Variants in PIK3C2G observed in about 807,000 individuals in gnomAD.
PIK3C2G encodes the protein phosphatidylinositol-4-phosphate 3-kinase catalytic subunit type 2 gamma.
Under a neutral mutation model 181.1 loss-of-function variants are expected in PIK3C2G, and 168 were observed. That is an observed-to-expected ratio of 0.93 (90% CI 0.82 to 1.05). PIK3C2G has a LOEUF of 1.05. PIK3C2G is among the 50% of genes least tolerant of loss of function. The pLI is 0.00. For synonymous variants in PIK3C2G, 573 were observed against 592.2 expected (o/e 0.97, Z 0.47); for missense variants, 1,869 against 1,732.8 (o/e 1.08, Z -1.40).
At chr12:18,661,124 G>T in the PIK3C2G span, among the ~76,000 whole-genome samples, 1 of 151,988 alleles carries the variant, frequency 6.6e-6, no homozygotes, top group Non-Finnish European at 1.5e-5. Flanking sequence ...TAGCAATAAA[G>T]ATTTAAGAAA....
intron 18 of PIK3C2G, among the ~76,000 whole-genome samples, chr12:18,481,528 A>G (rs1939561014): frequency 6.6e-6 from 1 of 152,230 alleles, no homozygotes; most frequent in Non-Finnish European, 1.5e-5. Flanking sequence ...CTTATCATTA[A>G]ATATGTGACT....
chr12:18,349,051 T>C (rs1374692907), intron 11 of PIK3C2G, among the ~76,000 whole-genome samples: 2 of 152,254 alleles, frequency 1.3e-5, no homozygotes, highest in African/African-American at 4.8e-5. Context: ...GGCCATAGAG[T>C]TGGCTTTTCC....
the PIK3C2G span, among the ~76,000 whole-genome samples, chr12:18,696,804 C>T: frequency 2.6e-5 from 4 of 152,114 alleles, no homozygotes; most frequent in Non-Finnish European, 4.4e-5. Context: ...AATCCCTTCA[C>T]TCCAGCATCT....
At chr12:18,532,371 T>A (rs928345581) in intron 24 of PIK3C2G, among the ~76,000 whole-genome samples, 2 of 152,154 alleles carry the variant, frequency 1.3e-5, no homozygotes. Flanking sequence ...AAGACAGACA[T>A]GTTGAAATTT....
intron 1 of PIK3C2G, among the ~76,000 whole-genome samples, chr12:18,277,528 T>G (rs1171657686): frequency 6.6e-6 from 1 of 152,126 alleles, no homozygotes; most frequent in African/African-American, 2.4e-5. Flanking sequence ...ACTGGTAAAT[T>G]GTATATTCCT....
chr12:18,351,545 T>G (rs1348617808), intron 11 of PIK3C2G, among the ~76,000 whole-genome samples: 1 of 152,222 alleles, frequency 6.6e-6, no homozygotes, highest in Non-Finnish European at 1.5e-5. Context: ...TAGTACTTAC[T>G]ATTAACTGAG....
the PIK3C2G span, among the ~76,000 whole-genome samples, chr12:18,677,333 A>G: frequency 1.3e-5 from 2 of 152,138 alleles, no homozygotes; most frequent in Non-Finnish European, 2.9e-5. Context: ...AGGCTGAATC[A>G]GCACCGTGCA....
intron 24 of PIK3C2G, among the ~76,000 whole-genome samples, chr12:18,513,846 G>A (rs181016623): frequency 2.5e-3 from 376 of 151,526 alleles, no homozygotes; most frequent in Admixed American, 7.1e-3. Context: ...TGCTTATTTC[G>A]TTAATTTCTG....
chr12:18,563,648 C>A, intron 28 of PIK3C2G, 150 bp downstream of exon 28: 1 of 609,336 alleles, frequency 1.6e-6, no homozygotes, highest in Non-Finnish European at 2.6e-6. Context: ...GTCTGAATTG[C>A]TCTCAGAGTG....
At chr12:18,268,013 C>A (rs1231532585) in intron 1 of PIK3C2G, among the ~76,000 whole-genome samples, 1 of 152,146 alleles carries the variant, frequency 6.6e-6, no homozygotes, top group African/African-American at 2.4e-5. Context: ...ACAGATCAAC[C>A]TTTTTAGGGC....
At chr12:18,263,233 T>C (rs1199441411) in intron 1 of PIK3C2G, among the ~76,000 whole-genome samples, 1 of 152,156 alleles carries the variant, frequency 6.6e-6, no homozygotes. Context: ...AAATGTTTTT[T>C]AAGTTTAAAA....
chr12:18,293,311 G>GA (rs1219873621), intron 4 of PIK3C2G, among the ~76,000 whole-genome samples: 1 of 152,022 alleles, frequency 6.6e-6, no homozygotes, highest in African/African-American at 2.4e-5. Context: ...ACTAAAAAAT[G>GA]AAAAATCTAT....
chr12:18,681,001 C>T, the PIK3C2G span, among the ~76,000 whole-genome samples: 3 of 152,020 alleles, frequency 2.0e-5, no homozygotes, highest in East Asian at 3.9e-4. Flanking sequence ...AGCATTGTTG[C>T]GTTTGGACGA....
chr12:18,532,570 G>A (rs1362731139), intron 24 of PIK3C2G, among the ~76,000 whole-genome samples: 1 of 152,128 alleles, frequency 6.6e-6, no homozygotes, highest in Non-Finnish European at 1.5e-5. Flanking sequence ...CGGTTCAAGA[G>A]GCTAACCTGT....
intron 15 of PIK3C2G, among the ~76,000 whole-genome samples, chr12:18,398,606 C>CTG (rs1944035424): frequency 6.6e-6 from 1 of 152,098 alleles, no homozygotes; most frequent in South Asian, 2.1e-4. Flanking sequence ...TCCAATTGAA[C>CTG]TGTGGTTCTG....
At chr12:18,653,147 A>G (rs1950591676), downstream of PIK3C2G, among the ~76,000 whole-genome samples, 1 of 152,166 alleles carries the variant, frequency 6.6e-6, no homozygotes, top group Non-Finnish European at 1.5e-5. Flanking sequence ...TACTAATATC[A>G]TAAAACAAAG....
intron 23 of PIK3C2G, among the ~76,000 whole-genome samples, chr12:18,504,183 G>T (rs1941681810): frequency 1.3e-5 from 2 of 152,130 alleles, no homozygotes; most frequent in Admixed American, 1.3e-4. Context: ...CCCTACCTAT[G>T]ATAAAAAGGC....
chr12:18,596,840 A>G (rs1947393947), intron 30 of PIK3C2G, among the ~76,000 whole-genome samples: 1 of 152,076 alleles, frequency 6.6e-6, no homozygotes, highest in African/African-American at 2.4e-5. Flanking sequence ...GGGTTGAAGT[A>G]TGGTACTCAG....
chr12:18,429,696 T>A (rs1946043428), intron 18 of PIK3C2G, among the ~76,000 whole-genome samples: 1 of 152,112 alleles, frequency 6.6e-6, no homozygotes, highest in Non-Finnish European at 1.5e-5. Flanking sequence ...ACTCAAAAAA[T>A]GTTTTAAAAA....
Sources: allele counts gnomAD v4.1 joint callset (sites outside exome capture counted in the v4.1 genomes callset), GRCh38; gene constraint gnomAD v4.1.1; transcripts MANE v1.5; gene names NCBI Gene and HGNC (gene_info 2026-07-23, HGNC 2026-07-21).